Variants in CNTN3 observed in about 807,000 individuals in gnomAD.
CNTN3 encodes contactin-3.
A neutral mutation model predicts 119.1 loss-of-function variants in CNTN3; 60 were observed. The ratio of observed to expected loss-of-function variants is 0.50; its 90% CI spans 0.41 to 0.62. The LOEUF (loss-of-function observed/expected upper bound fraction) is 0.62. Ranked by LOEUF, CNTN3 falls within the 20% of genes least tolerant of loss-of-function variation. The pLI, the probability that CNTN3 is intolerant of heterozygous loss-of-function variation, is 0.00. For synonymous variants in CNTN3, 450 were observed against 438.7 expected (o/e 1.03, Z -0.32); for missense variants, 1,101 against 1,242.4 (o/e 0.89, Z 1.71).
intron 1 of CNTN3, among the ~76,000 whole-genome samples, chr3:74,537,010 A>ACACACG (rs1263122060): frequency 1.3e-5 from 2 of 151,600 alleles, no homozygotes; most frequent in Middle Eastern, 3.2e-3. Flanking sequence ...ACACACACAC[A>ACACACG]CACAGCTGGC....
chr3:74,536,222 A>G (rs1357628219), intron 1 of CNTN3, among the ~76,000 whole-genome samples: 1 of 152,074 alleles, frequency 6.6e-6, no homozygotes, highest in Admixed American at 6.6e-5. Context: ...GAGGGTCCCA[A>G]AAACGGTGCC....
chr3:74,527,259 A>G (rs993121561), intron 1 of CNTN3, among the ~76,000 whole-genome samples: 7 of 151,966 alleles, frequency 4.6e-5, no homozygotes, highest in African/African-American at 1.7e-4. Flanking sequence ...AATTTGACAA[A>G]TAAGTTTAAA....
chr3:74,359,730 T>C (rs1704038129), intron 11 of CNTN3, among the ~76,000 whole-genome samples: 1 of 152,188 alleles, frequency 6.6e-6, no homozygotes, highest in Non-Finnish European at 1.5e-5. Flanking sequence ...TAAAAGCCTC[T>C]ACCTACTATA....
At chr3:74,415,800 A>G (rs927094019) in intron 5 of CNTN3, among the ~76,000 whole-genome samples, 1 of 152,184 alleles carries the variant, frequency 6.6e-6, no homozygotes, top group Admixed American at 6.5e-5. Flanking sequence ...CTCCTGAGGC[A>G]TCAGCTTTCT....
intron 4 of CNTN3, among the ~76,000 whole-genome samples, chr3:74,444,744 CA>C (rs905854471): frequency 6.6e-5 from 10 of 152,100 alleles, no homozygotes; most frequent in African/African-American, 2.4e-4. Context: ...GCATTTTCAG[CA>C]AAAACTTAAA....
At position 74,599,736 on chromosome 3, in the gene CNTN3, C is replaced by A. The variant is rs181135296; in HGVS notation, c.-81+14655G>T. ...AACTGAATGTGAAATGTTCATATTG[C>A]ATCAGCCAAGGCAAGTCACCTGACC... On this transcript the variant is annotated intron_variant, in intron 1 of 22. Transcript: ENST00000263665. 2.4e-4 allele frequency among the ~76,000 whole-genome samples: 36 copies of A among 152,186 alleles called. No homozygotes were observed. The South Asian group carries it at 5.0e-3, about 21-fold the overall frequency.
At chr3:74,463,396 A>T (rs189147264) in intron 4 of CNTN3, among the ~76,000 whole-genome samples, 12 of 152,252 alleles carry the variant, frequency 7.9e-5, no homozygotes, top group Admixed American at 7.9e-4. Context: ...CTGGGTATGT[A>T]AGTAACAGAA....
At chr3:74,448,657 GA>G (rs1159207717) in intron 4 of CNTN3, among the ~76,000 whole-genome samples, 1 of 152,028 alleles carries the variant, frequency 6.6e-6, no homozygotes, top group Non-Finnish European at 1.5e-5. Flanking sequence ...GGGTTGTGAA[GA>G]TAACAAAATA....
chr3:74,337,928 C>T (rs561821692), intron 11 of CNTN3, among the ~76,000 whole-genome samples: 24 of 150,396 alleles, frequency 1.6e-4, no homozygotes, highest in South Asian at 2.1e-4. Flanking sequence ...ATTTGAATTA[C>T]GAAAAAAAAA....
intron 8 of CNTN3, among the ~76,000 whole-genome samples, chr3:74,366,667 A>C (rs1305712870): frequency 6.6e-6 from 1 of 151,114 alleles, no homozygotes; most frequent in Non-Finnish European, 1.5e-5. Flanking sequence ...TCATAAAATT[A>C]CTTTTTTATA....
intron 1 of CNTN3, among the ~76,000 whole-genome samples, chr3:74,542,848 G>A (rs1703860909): frequency 6.6e-6 from 1 of 152,110 alleles, no homozygotes; most frequent in African/African-American, 2.4e-5. Context: ...TTGAAAGAAT[G>A]AATTTTTGGC....
chr3:74,362,028 T>G lies in CNTN3; in HGVS notation c.1226A>C (p.Asp409Ala), dbSNP rs771762762. The G allele has an allele frequency of 6.2e-7, 1 of 1,613,140 alleles. No individual in the cohort carries two copies. Among genetic ancestry groups the G allele is most frequent in the Non-Finnish European group, 8.5e-7 (1 of 1,179,428 alleles). Residue 409 changes from aspartate (D) to alanine (A), a missense_variant, in exon 11 of 23, where the codon GAT (aspartate) becomes GCT (alanine). Transcript: ENST00000263665. ...AELKVVASAP[D>A]FSKNPMKKLV... Reference sequence around the variant, plus strand: ...CTTCTTCATTGGATTCTTTGAAAAATCTGGAGCAGAAGCTGAAAGGCAAGA... The same window carrying G: ...CTTCTTCATTGGATTCTTTGAAAAAGCTGGAGCAGAAGCTGAAAGGCAAGA...
chr3:74,529,004 T>C (rs991239626), intron 1 of CNTN3, among the ~76,000 whole-genome samples: 2 of 151,794 alleles, frequency 1.3e-5, no homozygotes, highest in Admixed American at 6.6e-5. Flanking sequence ...AAAAGAAATA[T>C]GGGTATTTTT....
At chr3:74,343,742 G>A (rs1703605683) in intron 11 of CNTN3, among the ~76,000 whole-genome samples, 1 of 152,196 alleles carries the variant, frequency 6.6e-6, no homozygotes. Context: ...ACTTGACTGT[G>A]TACCAGTTAC....
At chr3:74,519,069 G>A (rs1159728308) in intron 2 of CNTN3, among the ~76,000 whole-genome samples, 1 of 151,748 alleles carries the variant, frequency 6.6e-6, no homozygotes, top group African/African-American at 2.4e-5. Context: ...AGGCTTAAGT[G>A]TATATTTATA....
intron 2 of CNTN3, among the ~76,000 whole-genome samples, chr3:74,503,421 A>T (rs1703200205): frequency 6.6e-6 from 1 of 152,074 alleles, no homozygotes; most frequent in African/African-American, 2.4e-5. Flanking sequence ...CAAAATAATA[A>T]TCAAACGTGA....
chr3:74,264,600 G>A (rs760135221), intron 22 of CNTN3, 99 bp from the exon 23 acceptor site: 9 of 665,246 alleles, frequency 1.4e-5, no homozygotes, highest in Non-Finnish European at 2.2e-5. Flanking sequence ...CAAATTCTTT[G>A]TTGAAATCCT....
At chr3:74,388,819 T>C (rs1704821670) in intron 5 of CNTN3, among the ~76,000 whole-genome samples, 1 of 152,242 alleles carries the variant, frequency 6.6e-6, no homozygotes, top group Non-Finnish European at 1.5e-5. Context: ...AATCATATTT[T>C]ATAAGGATTC....
intron 1 of CNTN3, among the ~76,000 whole-genome samples, chr3:74,587,027 C>A (rs903358233): frequency 2.0e-5 from 3 of 151,954 alleles, no homozygotes; most frequent in Non-Finnish European, 4.4e-5. Flanking sequence ...CTCCTTGTCT[C>A]TCAAAGATGC....
Sources: gnomAD v4.1 joint callset for allele counts (sites outside exome capture counted in the v4.1 genomes callset) on GRCh38, gnomAD v4.1.1 for gene constraint, MANE v1.5 for transcripts, NCBI Gene and HGNC (gene_info 2026-07-23, HGNC 2026-07-21) for gene names.